LRMDA: variants seen among roughly 807,000 people sequenced by gnomAD.
LRMDA encodes the protein leucine-rich melanocyte differentiation-associated protein.
In LRMDA, 18 loss-of-function variants were observed where a neutral mutation model predicts 29.8. The observed-to-expected ratio is 0.60, with a 90% CI of 0.42 to 0.90. LRMDA has a LOEUF of 0.90. Among genes scored for constraint, LRMDA ranks in the 40% least tolerant of loss-of-function variants. LRMDA has a pLI of 0.00. For missense variants in LRMDA, 273 were observed against 273.9 expected, an observed-to-expected ratio of 1.00 and a Z score of 0.02; for synonymous variants, 125 against 109.4, an observed-to-expected ratio of 1.14 and a Z score of -0.89.
At chr10:75,866,614 G>A (rs1295736431) in intron 2 of LRMDA, among the ~76,000 whole-genome samples, 3 of 152,152 alleles carry the variant, frequency 2.0e-5, no homozygotes, top group Admixed American at 1.3e-4. Context: ...AACAGAGTAC[G>A]TCAATTAACC....
chr10:75,921,075 A>G (rs1846017991), intron 2 of LRMDA, among the ~76,000 whole-genome samples: 1 of 152,236 alleles, frequency 6.6e-6, no homozygotes, highest in African/African-American at 2.4e-5. Context: ...AAACAGGGAT[A>G]TTTCTGCCAC....
intron 6 of LRMDA, among the ~76,000 whole-genome samples, chr10:76,538,655 C>G (rs753657622): frequency 6.6e-6 from 1 of 151,224 alleles, no homozygotes; most frequent in Admixed American, 6.6e-5. Context: ...TTCTTAAATA[C>G]GTCTTCTGGA....
At chr10:75,637,868 C>T (rs572977304) in intron 2 of LRMDA, among the ~76,000 whole-genome samples, 15 of 152,214 alleles carry the variant, frequency 9.9e-5, no homozygotes, top group African/African-American at 2.4e-4. Context: ...ACGCTGGAGG[C>T]GCCTGACAGC....
intron 2 of LRMDA, among the ~76,000 whole-genome samples, chr10:75,593,838 G>A (rs578011912): frequency 2.0e-5 from 3 of 152,302 alleles, no homozygotes; most frequent in South Asian, 2.1e-4. Context: ...CTGGACTCTC[G>A]GTGGCCGTCA....
chr10:75,557,456 G>A (rs180883591), intron 2 of LRMDA, among the ~76,000 whole-genome samples: 2 of 152,148 alleles, frequency 1.3e-5, no homozygotes, highest in Admixed American at 6.6e-5. Context: ...TAAAATGGCT[G>A]TGTAACTGCT....
intron 2 of LRMDA, among the ~76,000 whole-genome samples, chr10:75,979,181 T>C: frequency 6.6e-6 from 1 of 152,230 alleles, no homozygotes; most frequent in Non-Finnish European, 1.5e-5. Context: ...TTTCTGTTGT[T>C]ATTGTTATTA....
chr10:75,775,492 G>A (rs1843299776), intron 2 of LRMDA, among the ~76,000 whole-genome samples: 1 of 152,238 alleles, frequency 6.6e-6, no homozygotes, highest in South Asian at 2.1e-4. Flanking sequence ...TAACAGTGTT[G>A]TATCCTCAGG....
chr10:76,263,729 G>C (rs1839971268), intron 5 of LRMDA, among the ~76,000 whole-genome samples: 1 of 152,188 alleles, frequency 6.6e-6, no homozygotes, highest in South Asian at 2.1e-4. Flanking sequence ...GGGGTAAAAT[G>C]TTGAACATGC....
chr10:76,436,118 T>C (rs1458268088), intron 6 of LRMDA, among the ~76,000 whole-genome samples: 1 of 152,180 alleles, frequency 6.6e-6, no homozygotes, highest in African/African-American at 2.4e-5. Flanking sequence ...AGAGCCCAGC[T>C]CTGTGGTGAT....
At chr10:75,556,536 TATCCTC>T (rs1337882401) in intron 2 of LRMDA, among the ~76,000 whole-genome samples, 1 of 152,188 alleles carries the variant, frequency 6.6e-6, no homozygotes, top group Non-Finnish European at 1.5e-5. Flanking sequence ...AATGGACACT[TATCCTC>T]AGCAAGCAAA....
chr10:76,522,270 C>G (rs1843129013), intron 6 of LRMDA, among the ~76,000 whole-genome samples: 1 of 152,174 alleles, frequency 6.6e-6, no homozygotes, highest in Non-Finnish European at 1.5e-5. Context: ...GACCAAAGAA[C>G]ATAGCCCTAG....
At chr10:76,554,226 G>A (rs568765147) in intron 6 of LRMDA, among the ~76,000 whole-genome samples, 2 of 152,278 alleles carry the variant, frequency 1.3e-5, no homozygotes, top group African/African-American at 4.8e-5. Flanking sequence ...AGAGCCGCAG[G>A]CAGCGTTAGA....
At chr10:75,575,831 A>G (rs1486056334) in intron 2 of LRMDA, among the ~76,000 whole-genome samples, 1 of 152,076 alleles carries the variant, frequency 6.6e-6, no homozygotes, top group Non-Finnish European at 1.5e-5. Flanking sequence ...ACTCCGGCCC[A>G]GATACTGAGC....
chr10:76,263,587 G>A (rs1839969448), intron 5 of LRMDA, among the ~76,000 whole-genome samples: 1 of 152,060 alleles, frequency 6.6e-6, no homozygotes, highest in East Asian at 1.9e-4. Context: ...TGTCCCCTTG[G>A]ACTGTAAGCC....
At chr10:75,801,074 T>C (rs1843737479) in intron 2 of LRMDA, among the ~76,000 whole-genome samples, 1 of 152,220 alleles carries the variant, frequency 6.6e-6, no homozygotes, top group South Asian at 2.1e-4. Context: ...ACCAAGCGCC[T>C]TCACCATGTC....
At chr10:76,365,097 T>C (rs962941484) in intron 6 of LRMDA, among the ~76,000 whole-genome samples, 3 of 35,152 alleles carry the variant, frequency 8.5e-5, no homozygotes, top group Admixed American at 4.3e-4. Flanking sequence ...TATATATATA[T>C]ATATATATAT....
intron 2 of LRMDA, among the ~76,000 whole-genome samples, chr10:75,916,471 C>T (rs73293368): frequency 0.015 from 2,266 of 152,168 alleles, 44 homozygotes; most frequent in African/African-American, 0.051. Flanking sequence ...GAGGTCACCT[C>T]GTTTCTAGAG....
intron 2 of LRMDA, among the ~76,000 whole-genome samples, chr10:75,514,330 A>G (rs777298444): frequency 3.4e-5 from 5 of 146,816 alleles, no homozygotes; most frequent in African/African-American, 7.6e-5. Context: ...TTTTTTTTAA[A>G]TAACCATAAC....
intron 5 of LRMDA, among the ~76,000 whole-genome samples, chr10:76,267,244 T>A (rs1220015437): frequency 1.3e-5 from 2 of 152,154 alleles, no homozygotes; most frequent in Non-Finnish European, 1.5e-5. Context: ...ATAATTCACA[T>A]ACTATATTGT....
Sources: allele counts gnomAD v4.1 joint callset (sites outside exome capture counted in the v4.1 genomes callset), GRCh38; gene constraint gnomAD v4.1.1; transcripts MANE v1.5; gene names NCBI Gene and HGNC (gene_info 2026-07-23, HGNC 2026-07-21).